The following MLLT10 variants were observed in gnomAD, a reference collection of about 807,000 sequenced individuals.
MLLT10 encodes the protein MLLT10 histone lysine methyltransferase DOT1L cofactor.
MLLT10 carries 30 observed loss-of-function variants against 129.1 expected under a neutral mutation model. That is an observed-to-expected ratio of 0.23 (90% CI 0.17 to 0.32). The LOEUF is 0.32. MLLT10 is among the 10% of genes least tolerant of loss of function. MLLT10 has a pLI of 1.00. For missense variants in MLLT10, 1,119 were observed against 1,268.3 expected (o/e 0.88, Z 1.79); for synonymous variants, 490 against 446.4 (o/e 1.10, Z -1.23).
Position 21,626,159 on chromosome 10 carries a change from C to T in MLLT10, c.699+8952C>T. The T allele has an allele frequency of 6.2e-6, 10 of 1,610,048 alleles. No individual in the cohort carries two copies. In the South Asian group the frequency reaches 1.1e-4, roughly 18 times the overall value. Reference sequence around the variant, plus strand: ...CTTCATAACTCCACATAAAAATGCACTTTTGTTCTGAACATGTGATAAGTC... The same window carrying T: ...CTTCATAACTCCACATAAAAATGCATTTTTGTTCTGAACATGTGATAAGTC... On this transcript the variant is annotated intron_variant, in intron 8 of 22. Coordinates refer to ENST00000307729, the MANE Select transcript of MLLT10 (RefSeq NM_001195626.3).
chr10:21,550,501 G>C (rs1432626933), intron 3 of MLLT10, among the ~76,000 whole-genome samples: 1 of 152,098 alleles, frequency 6.6e-6, no homozygotes, highest in Non-Finnish European at 1.5e-5. Context: ...TTCGTTAACT[G>C]CCCCAGCTTC....
intron 5 of MLLT10, among the ~76,000 whole-genome samples, chr10:21,608,395 T>C (rs2044273125): frequency 6.6e-6 from 1 of 152,058 alleles, no homozygotes; most frequent in African/African-American, 2.4e-5. Context: ...CAGGCTGGTG[T>C]TGAACTCCTG....
intron 5 of MLLT10, among the ~76,000 whole-genome samples, chr10:21,609,687 T>C (rs570372372): frequency 6.6e-6 from 1 of 152,350 alleles, no homozygotes; most frequent in South Asian, 2.1e-4. Context: ...TCCTTGTAAC[T>C]ATCGTTCTTG....
intron 4 of MLLT10, among the ~76,000 whole-genome samples, chr10:21,591,007 T>C (rs1384038201): frequency 6.6e-6 from 1 of 152,206 alleles, no homozygotes; most frequent in Non-Finnish European, 1.5e-5. Context: ...AGTTCCTCTC[T>C]ATTGCTTTTA....
rs547056790 is a variant in MLLT10 at position 21,599,785 on chromosome 10, C to T, written c.405+4345C>T. Among the ~76,000 whole-genome samples the T allele has an allele frequency of 2.6e-3, 396 of 152,232 alleles. 1 individual carries two copies. The highest frequency in any genetic ancestry group is 4.7e-3 in the Non-Finnish European group (317 of 68,014). ...GTTTCATAATGATGCCCAGGCTGATCTTGAACTCCTGAGCTCAAGTGATCT... is the reference window on the plus strand; with the variant it reads ...GTTTCATAATGATGCCCAGGCTGATTTTGAACTCCTGAGCTCAAGTGATCT... On this transcript the variant is annotated intron_variant, in intron 5 of 22. Transcript: ENST00000307729.
intron 10 of MLLT10, among the ~76,000 whole-genome samples, chr10:21,672,529 A>G (rs574138730): frequency 6.6e-6 from 1 of 151,094 alleles, no homozygotes; most frequent in African/African-American, 2.4e-5. Flanking sequence ...CTGGTCTTGA[A>G]CTCCTGACCT....
intron 14 of MLLT10, among the ~76,000 whole-genome samples, chr10:21,717,816 T>TCTTCTCCTCCTC (rs2056824411): frequency 1.8e-5 from 2 of 109,022 alleles, no homozygotes; most frequent in African/African-American, 7.0e-5. Context: ...TTCTTCTCCT[T>TCTTCTCCTCCTC]CTTCTCCTCC....
rs1023746822 is a variant in MLLT10, at chr10:21,678,760, C to T, written c.1622-2572C>T. ...TAATGGAAAAGAAAAAAAATGCTAT[C>T]TCATTCAGCTTGGCAATGCTAATAT... is the stretch of plus-strand genomic sequence containing the variant. On this transcript the variant is annotated intron_variant, in intron 11 of 22. Transcript: ENST00000307729. 9.2e-5 allele frequency among the ~76,000 whole-genome samples: 14 copies of T among 152,246 alleles called. 1 individual carries two copies. The South Asian group carries it at 1.0e-3, about 11-fold the overall frequency.
At chr10:21,707,339 C>T (rs1022764344) in intron 13 of MLLT10, among the ~76,000 whole-genome samples, 2 of 151,854 alleles carry the variant, frequency 1.3e-5, no homozygotes, top group African/African-American at 2.4e-5. Context: ...ACTACAGGCA[C>T]GCGCCACCAT....
intron 5 of MLLT10, among the ~76,000 whole-genome samples, chr10:21,601,678 C>G (rs2043547004): frequency 6.6e-6 from 1 of 152,102 alleles, no homozygotes; most frequent in African/African-American, 2.4e-5. Context: ...ACAGGTGCCA[C>G]CACCACACCT....
intron 4 of MLLT10, among the ~76,000 whole-genome samples, chr10:21,588,778 T>C (rs1334374238): frequency 6.6e-6 from 1 of 152,054 alleles, no homozygotes; most frequent in Non-Finnish European, 1.5e-5. Flanking sequence ...GAGCAGTTTG[T>C]TTTTTCTCTT....
chr10:21,627,864 C>T (rs2046612454), intron 8 of MLLT10, among the ~76,000 whole-genome samples: 1 of 152,124 alleles, frequency 6.6e-6, no homozygotes, highest in African/African-American at 2.4e-5. Flanking sequence ...AATAATTAGA[C>T]TGCATCTTCC....
At chr10:21,536,103 G>C (rs1333214254) in intron 2 of MLLT10, among the ~76,000 whole-genome samples, 1 of 152,084 alleles carries the variant, frequency 6.6e-6, no homozygotes, top group African/African-American at 2.4e-5. Flanking sequence ...CTAGCACACC[G>C]GCTAATTTGT....
At chr10:21,692,875 T>A (rs1262468124) in intron 13 of MLLT10, among the ~76,000 whole-genome samples, 1 of 152,210 alleles carries the variant, frequency 6.6e-6, no homozygotes, top group Non-Finnish European at 1.5e-5. Flanking sequence ...TCTTTTATGT[T>A]TTTATTTAAA....
At chr10:21,620,321 G>C (rs759358751) in intron 8 of MLLT10, among the ~76,000 whole-genome samples, 2 of 152,132 alleles carry the variant, frequency 1.3e-5, no homozygotes, top group Non-Finnish European at 2.9e-5. Context: ...TCATAATCAA[G>C]TCAGACATTA....
rs185198665 is a variant in MLLT10 at position 21,542,715 on chromosome 10, C to T, written c.240+3803C>T. On this transcript the variant is annotated intron_variant, in intron 3 of 22. Transcript: ENST00000307729. ...ATCAGCCTGGACAACATAGTGAGAC[C>T]TTATCTCTACAAAAAGAAAAAAAAA... Among the ~76,000 whole-genome samples, 8 of 152,150 alleles carry T rather than the reference C, an allele frequency of 5.3e-5. No individual in the cohort carries two copies. The East Asian group carries it at 1.4e-3, about 26-fold the overall frequency.
At chr10:21,678,787 A>G (rs1431350640) in intron 11 of MLLT10, among the ~76,000 whole-genome samples, 2 of 152,154 alleles carry the variant, frequency 1.3e-5, no homozygotes, top group African/African-American at 4.8e-5. Flanking sequence ...TGCTAATATA[A>G]TCTCTTATTT....
intron 11 of MLLT10, among the ~76,000 whole-genome samples, chr10:21,679,944 A>G (rs1260345369): frequency 2.0e-5 from 3 of 152,142 alleles, no homozygotes; most frequent in East Asian, 1.9e-4. Context: ...ATTTTTGCCA[A>G]CAGTGTTAGC....
At position 21,595,452 on chromosome 10, in the gene MLLT10, A is replaced by G; in HGVS notation, c.405+12A>G. ...ATCGTTATAATAAGGTACAGTGGAT[A>G]TTATTTTATTACTGTTTGAATATCA... is the stretch of plus-strand genomic sequence containing the variant. On this transcript the variant is annotated intron_variant, in intron 5 of 22. Coordinates refer to ENST00000307729, the MANE Select transcript of MLLT10 (RefSeq NM_001195626.3). 6.3e-7 allele frequency: 1 copy of G among 1,575,766 alleles called. No homozygotes were observed. Among genetic ancestry groups the G allele is most frequent in the Non-Finnish European group, 8.7e-7 (1 of 1,149,178 alleles).
Sources: allele counts gnomAD v4.1 joint callset (sites outside exome capture counted in the v4.1 genomes callset), GRCh38; gene constraint gnomAD v4.1.1; transcripts MANE v1.5; gene names NCBI Gene and HGNC (gene_info 2026-07-23, HGNC 2026-07-21).